EXTL3: variants seen among roughly 807,000 people sequenced by gnomAD.
The protein encoded by EXTL3 is exostosin-like 3.
In EXTL3, 27 loss-of-function variants were observed where a neutral mutation model predicts 69.3. That is an observed-to-expected ratio of 0.39 (90% CI 0.29 to 0.54). The LOEUF is 0.54. Ranked by LOEUF, EXTL3 falls within the 20% of genes least tolerant of loss-of-function variation. The pLI is 0.69. For missense variants in EXTL3, 1,003 were observed against 1,231.8 expected, an observed-to-expected ratio of 0.81 and a Z score of 2.78; for synonymous variants, 511 against 499.4, an observed-to-expected ratio of 1.02 and a Z score of -0.31.
Position 28,608,950 on chromosome 8 carries a change from G to A in EXTL3, n.314+1192G>A, listed in dbSNP as rs77596098. On this transcript the variant is annotated intron_variant and non_coding_transcript_variant, in intron 2 of 4. Coordinates refer to the EXTL3 transcript ENST00000522725. ...ATTATCAAACAGCAATAAGAGCTGC[G>A]GAGAATTAAAATAAAATGGCCTAAC... Among the ~76,000 whole-genome samples, 1,320 of 152,160 alleles carry A rather than the reference G, an allele frequency of 8.7e-3. 29 individuals are homozygous for A. The highest frequency in any genetic ancestry group is 0.03 in the African/African-American group (1,231 of 41,470).
At chr8:28,735,787 C>G (rs1801639390) in intron 4 of EXTL3, among the ~76,000 whole-genome samples, 1 of 152,186 alleles carries the variant, frequency 6.6e-6, no homozygotes, top group African/African-American at 2.4e-5. Context: ...GAGGCAGATA[C>G]AATCAATCAT....
At chr8:28,727,168 G>A (rs1318676805) in intron 3 of EXTL3, among the ~76,000 whole-genome samples, 1 of 152,130 alleles carries the variant, frequency 6.6e-6, no homozygotes, top group East Asian at 1.9e-4. Context: ...TTACAGGTGT[G>A]AGCCACCATG....
upstream of EXTL3, among the ~76,000 whole-genome samples, chr8:28,698,993 CAAAACA>C (rs145865640): frequency 2.0e-5 from 3 of 151,686 alleles, no homozygotes; most frequent in South Asian, 2.1e-4. Context: ...GACTCCGTCT[CAAAACA>C]AAAACAAAAA....
At chr8:28,718,609 C>T (rs1801220577) in intron 3 of EXTL3, among the ~76,000 whole-genome samples, 2 of 152,280 alleles carry the variant, frequency 1.3e-5, no homozygotes, top group African/African-American at 2.4e-5. Context: ...TCAGCTTATT[C>T]GTATGGGAGC....
At chr8:28,667,460 T>C (rs1807214525) in intron 1 of EXTL3, among the ~76,000 whole-genome samples, 2 of 152,206 alleles carry the variant, frequency 1.3e-5, no homozygotes, top group African/African-American at 4.8e-5. Context: ...TGTTCAATAC[T>C]GGGCCTCTTG....
chr8:28,721,091 T>G (rs745820584), intron 3 of EXTL3, among the ~76,000 whole-genome samples: 2 of 152,222 alleles, frequency 1.3e-5, no homozygotes, highest in Non-Finnish European at 2.9e-5. Context: ...TTCTTTGTAT[T>G]TGGTTTTCAG....
At chr8:28,618,026 A>C (rs1313545752), upstream of EXTL3, among the ~76,000 whole-genome samples, 1 of 152,184 alleles carries the variant, frequency 6.6e-6, no homozygotes, top group Non-Finnish European at 1.5e-5. Flanking sequence ...ATAGATACGG[A>C]GTTTATCTTA....
At chr8:28,692,636 T>G (rs545683416) in intron 1 of EXTL3, among the ~76,000 whole-genome samples, 154 of 152,332 alleles carry the variant, frequency 1.0e-3, no homozygotes, top group African/African-American at 3.5e-3. Context: ...CACTTTCAGT[T>G]TTGATTTTAC....
At position 28,674,828 on chromosome 8, in the gene EXTL3, C is replaced by T. The variant is rs140480028; in HGVS notation, c.-52-38629C>T. On this transcript the variant is annotated intron_variant, in intron 1 of 6. Transcript: ENST00000523149. ...CAACAACCCCAGCAACAGTGGCATT[C>T]CCAACCCTCAGTGGTATTGGTCTTT... 7.4e-3 allele frequency among the ~76,000 whole-genome samples: 1,126 copies of T among 152,286 alleles called. 5 individuals are homozygous for T. Among genetic ancestry groups the T allele is most frequent in the Non-Finnish European group, 0.012 (821 of 68,014 alleles).
chr8:28,711,388 C>T (rs240946), intron 1 of EXTL3, among the ~76,000 whole-genome samples: 36,625 of 151,840 alleles, frequency 0.24, 4,658 homozygotes, highest in East Asian at 0.33. Context: ...GTTATTGATT[C>T]GAGACTTTTC....
chr8:28,724,138 T>C (rs1801358806), intron 3 of EXTL3, among the ~76,000 whole-genome samples: 1 of 152,166 alleles, frequency 6.6e-6, no homozygotes, highest in African/African-American at 2.4e-5. Context: ...AGACTGCTAA[T>C]ATCATGTTAT....
rs542334070 is a variant in EXTL3, at chr8:28,688,703, A to G, written c.-52-24754A>G. On this transcript the variant is annotated intron_variant, in intron 1 of 6. Transcript: ENST00000523149. ...TTCTCTTATTTTCCCCAGGCCTGAG[A>G]CTGAACCTGTTTATAAGCAGAATGG... Among the ~76,000 whole-genome samples, 3 of 152,306 alleles carry G rather than the reference A, an allele frequency of 2.0e-5. No homozygotes were observed. In the East Asian group the frequency reaches 5.8e-4, roughly 29 times the overall value.
chr8:28,619,430 CTT>C (rs1806377519), upstream of EXTL3, among the ~76,000 whole-genome samples: 1 of 151,830 alleles, frequency 6.6e-6, no homozygotes, highest in African/African-American at 2.4e-5. Flanking sequence ...GATTGCCTCT[CTT>C]TTGCGCTCCG....
intron 1 of EXTL3, among the ~76,000 whole-genome samples, chr8:28,672,582 G>T (rs1807314504): frequency 6.6e-6 from 1 of 152,094 alleles, no homozygotes; most frequent in African/African-American, 2.4e-5. Flanking sequence ...ATCACCTGGG[G>T]ATTTGTTAGC....
At position 28,717,006 on chromosome 8, in the gene EXTL3, T is replaced by C; in HGVS notation, c.947T>C (p.Val316Ala). ...TACAGACCTGGCTTTGACTTGGTCG[T>C]ATCACCGCTGGTCCATGCCATGTCT... The part of the protein sequence containing the change: ...VQYRPGFDLV[V>A]SPLVHAMSEP... The change falls in exon 3 of 7, where the codon GTA becomes GCA. Residue 316 changes from valine to alanine, a missense_variant. This residue lies in a region of EXTL3 where 742 missense variants were observed against 815.4 expected (regional missense o/e 0.91). Transcript: ENST00000220562. The surrounding 1 kb of genome is among the most constrained non-coding windows in gnomAD (Gnocchi z 8.3). 1.2e-6 allele frequency: 2 copies of C among 1,614,236 alleles called. No homozygotes were observed. Among genetic ancestry groups the C allele is most frequent in the Non-Finnish European group, 1.7e-6 (2 of 1,180,040 alleles).
At chr8:28,742,584 G>GACT in intron 5 of EXTL3, 2 of 192,908 alleles carry the variant, frequency 1.0e-5, no homozygotes, top group South Asian at 1.0e-4. Flanking sequence ...AGACGAAGGT[G>GACT]GTTGGCAGCA....
At chr8:28,608,259 G>A (rs992888871) in intron 2 of EXTL3, among the ~76,000 whole-genome samples, 1 of 152,068 alleles carries the variant, frequency 6.6e-6, no homozygotes, top group South Asian at 2.1e-4. Context: ...AGGGTTCAGG[G>A]TATCCTGCTG....
downstream of EXTL3, among the ~76,000 whole-genome samples, chr8:28,755,861 G>A (rs186000751): frequency 2.2e-3 from 333 of 152,222 alleles, no homozygotes; most frequent in Middle Eastern, 0.01. Flanking sequence ...CAAACATACG[G>A]CAATGTTGAA....
At chr8:28,645,842 TTA>T (rs1319471314) in intron 1 of EXTL3, among the ~76,000 whole-genome samples, 3 of 132,622 alleles carry the variant, frequency 2.3e-5, no homozygotes, top group South Asian at 2.3e-4. Context: ...TTTTTTTTTT[TTA>T]AAGTTATTCT....
Sources: allele counts gnomAD v4.1 joint callset (sites outside exome capture counted in the v4.1 genomes callset), GRCh38; gene constraint gnomAD v4.1.1; regional missense constraint gnomAD v4.1.1; non-coding constraint Gnocchi (gnomAD v3.1); transcripts MANE v1.5; gene names NCBI Gene and HGNC (gene_info 2026-07-23, HGNC 2026-07-21).